The following CSTPP1 variants were observed in gnomAD, a reference collection of about 807,000 sequenced individuals.
CSTPP1 encodes the protein UPF0705 protein C11orf49.
chr11:47,124,720 A>G, the CSTPP1 span, among the ~76,000 whole-genome samples: 4 of 152,174 alleles, frequency 2.6e-5, no homozygotes, highest in Non-Finnish European at 4.4e-5. Context: ...AGTGAGTAAA[A>G]CCAGACTTTG....
chr11:47,056,263 C>T, the CSTPP1 span, among the ~76,000 whole-genome samples: 2 of 152,150 alleles, frequency 1.3e-5, no homozygotes, highest in Non-Finnish European at 2.9e-5. Flanking sequence ...CAGCTGAAAC[C>T]TGTGTTGTTC....
At chr11:47,028,219 G>A in the CSTPP1 span, among the ~76,000 whole-genome samples, 1 of 152,178 alleles carries the variant, frequency 6.6e-6, no homozygotes, top group East Asian at 1.9e-4. Context: ...CATCACGCCC[G>A]GCCACATCTC....
the CSTPP1 span, among the ~76,000 whole-genome samples, chr11:46,946,013 GA>G: frequency 6.6e-6 from 1 of 152,116 alleles, no homozygotes; most frequent in African/African-American, 2.4e-5. Flanking sequence ...GGTCGATCTA[GA>G]TTTTTTTCCT....
the CSTPP1 span, among the ~76,000 whole-genome samples, chr11:47,104,183 A>C: frequency 6.6e-6 from 1 of 152,176 alleles, no homozygotes; most frequent in African/African-American, 2.4e-5. Context: ...CCTTAAAGAA[A>C]TCCACCCCAA....
At chr11:47,155,148 T>C in the CSTPP1 span, 9 of 1,543,390 alleles carry the variant, frequency 5.8e-6, 1 homozygote, top group African/African-American at 5.5e-5. Flanking sequence ...CCCCATTCTC[T>C]CTCTCAGATT....
chr11:47,053,534 G>C, the CSTPP1 span, among the ~76,000 whole-genome samples: 1 of 150,240 alleles, frequency 6.7e-6, no homozygotes, highest in Non-Finnish European at 1.5e-5. Flanking sequence ...AACGAAAATC[G>C]TTTGAACCCT....
chr11:46,972,952 G>T, the CSTPP1 span, among the ~76,000 whole-genome samples: 1 of 152,078 alleles, frequency 6.6e-6, no homozygotes, highest in Admixed American at 6.5e-5. Context: ...AGAGATTAAG[G>T]TTCAATTTTC....
At chr11:47,005,104 A>G in the CSTPP1 span, among the ~76,000 whole-genome samples, 1 of 152,202 alleles carries the variant, frequency 6.6e-6, no homozygotes, top group African/African-American at 2.4e-5. Context: ...TTGTACTGCT[A>G]TGTCCAAATT....
the CSTPP1 span, among the ~76,000 whole-genome samples, chr11:47,001,993 T>C: frequency 2.6e-5 from 4 of 152,180 alleles, no homozygotes; most frequent in Non-Finnish European, 5.9e-5. Flanking sequence ...TTACGTTAAA[T>C]TGAGCCAAAA....
At chr11:47,098,389 T>G in the CSTPP1 span, among the ~76,000 whole-genome samples, 1 of 151,810 alleles carries the variant, frequency 6.6e-6, no homozygotes, top group Non-Finnish European at 1.5e-5. Flanking sequence ...AGCATACTAC[T>G]CTGGGGAGAA....
At chr11:46,991,239 G>A in the CSTPP1 span, among the ~76,000 whole-genome samples, 1 of 148,860 alleles carries the variant, frequency 6.7e-6, no homozygotes, top group Non-Finnish European at 1.5e-5. Flanking sequence ...GAGGCTCCTT[G>A]GAGATCAGAC....
At chr11:47,080,174 G>T in the CSTPP1 span, among the ~76,000 whole-genome samples, 1 of 151,992 alleles carries the variant, frequency 6.6e-6, no homozygotes, top group Non-Finnish European at 1.5e-5. Context: ...ATAATTTCAG[G>T]GCCGGGCGCG....
the CSTPP1 span, chr11:47,155,386 T>C: frequency 1.2e-6 from 1 of 864,870 alleles, no homozygotes; most frequent in South Asian, 1.4e-5. Context: ...GGGGGTGTGC[T>C]TCACTGCGGG....
the CSTPP1 span, chr11:47,156,910 C>G: frequency 5.4e-6 from 6 of 1,106,400 alleles, no homozygotes; most frequent in African/African-American, 6.3e-5. Context: ...GCCCTGAGCA[C>G]TGAGGCTGGT....
chr11:47,164,316 A>C, the CSTPP1 span: 24 of 1,505,302 alleles, frequency 1.6e-5, 1 homozygote, highest in South Asian at 2.9e-4. Flanking sequence ...TCAGACCAAC[A>C]GGGAGCCAGG....
At chr11:46,936,978 G>C in the CSTPP1 span, 5 of 1,215,910 alleles carry the variant, frequency 4.1e-6, no homozygotes, top group Non-Finnish European at 5.4e-6. Flanking sequence ...GCGGAGAGGC[G>C]GGGGTTCCAG....
the CSTPP1 span, among the ~76,000 whole-genome samples, chr11:47,126,957 A>G: frequency 6.6e-6 from 1 of 152,188 alleles, no homozygotes; most frequent in Admixed American, 6.5e-5. Context: ...ATAAAATTAA[A>G]TAATAAACAA....
At chr11:47,159,500 A>T in the CSTPP1 span, 31,286 of 403,582 alleles carry the variant, frequency 0.078, 1,293 homozygotes, top group Non-Finnish European at 0.089. Context: ...ACAGAGCAAG[A>T]CAGTCTCAAA....
the CSTPP1 span, among the ~76,000 whole-genome samples, chr11:47,125,056 A>C: frequency 6.6e-6 from 1 of 152,222 alleles, no homozygotes; most frequent in Non-Finnish European, 1.5e-5. Flanking sequence ...ATCAAGTCCC[A>C]AAAGAGTCAG....
Sources: allele counts gnomAD v4.1 joint callset (sites outside exome capture counted in the v4.1 genomes callset), GRCh38; gene constraint gnomAD v4.1.1; transcripts MANE v1.5; gene names NCBI Gene and HGNC (gene_info 2026-07-23, HGNC 2026-07-21).